The following CADM2 variants were observed in gnomAD, a reference collection of about 807,000 sequenced individuals.
CADM2 encodes cell adhesion molecule 2.
A neutral mutation model predicts 49.8 loss-of-function variants in CADM2; 12 were observed. That is an observed-to-expected ratio of 0.24 (90% CI 0.15 to 0.39). The LOEUF (loss-of-function observed/expected upper bound fraction) is 0.39, where lower values mean the gene tolerates loss of function less well. Ranked by LOEUF, CADM2 falls within the 10% of genes least tolerant of loss-of-function variation. The pLI is 1.00. For missense variants in CADM2, 378 were observed against 492.3 expected, an observed-to-expected ratio of 0.77 and a Z score of 2.20; for synonymous variants, 214 against 175.4, an observed-to-expected ratio of 1.22 and a Z score of -1.74.
At chr3:85,442,938 G>C in intron 1 of CADM2, among the ~76,000 whole-genome samples, 1 of 151,614 alleles carries the variant, frequency 6.6e-6, no homozygotes, top group Non-Finnish European at 1.5e-5. Flanking sequence ...TTAATTTCCT[G>C]ATATATTTAA....
intron 1 of CADM2, among the ~76,000 whole-genome samples, chr3:85,673,306 A>C (rs72913183): frequency 4.6e-5 from 7 of 152,100 alleles, no homozygotes; most frequent in Non-Finnish European, 1.0e-4. Flanking sequence ...TCAGCTTGCA[A>C]ATTCTGTCTG....
intron 1 of CADM2, among the ~76,000 whole-genome samples, chr3:85,051,673 G>A (rs1226184186): frequency 3.9e-5 from 6 of 152,094 alleles, no homozygotes; most frequent in Admixed American, 3.9e-4. Context: ...AGCAAAAGGG[G>A]TAGACACGCC....
chr3:85,935,835 T>G lies in CADM2; in HGVS notation c.769T>G (p.Cys257Gly). ...AGAAGGACAGCCTTTAATTTTGACT[T>G]GTGAATCCAAAGGAAAACCACTGTA... ...PQEGQPLILTCESKGKPLPEP... is the reference protein window; with the variant it reads ...PQEGQPLILTGESKGKPLPEP... The change falls in exon 7 of 10, where the codon TGT becomes GGT. Residue 257 changes from cysteine (C) to glycine (G), a missense_variant. Physicochemically the swap from Cys to Gly is radical, Grantham distance 159 (BLOSUM62 -3). Transcript: ENST00000383699. The G allele has an allele frequency of 6.2e-7, 1 of 1,604,014 alleles. No homozygotes were observed.
intron 1 of CADM2, among the ~76,000 whole-genome samples, chr3:85,613,448 G>C (rs972955095): frequency 1.8e-4 from 27 of 151,502 alleles, no homozygotes; most frequent in African/African-American, 6.5e-4. Flanking sequence ...CAAAAACATA[G>C]CACTTTTCAA....
chr3:85,905,179 T>C (rs1307032371), intron 5 of CADM2, among the ~76,000 whole-genome samples: 4 of 152,164 alleles, frequency 2.6e-5, no homozygotes, highest in Admixed American at 2.0e-4. Flanking sequence ...TAAATGGGAC[T>C]CTAATCTAGT....
At chr3:85,298,294 A>C (rs986050483) in intron 1 of CADM2, among the ~76,000 whole-genome samples, 6 of 152,082 alleles carry the variant, frequency 3.9e-5, no homozygotes, top group Non-Finnish European at 8.8e-5. Context: ...GGAGCAAAGG[A>C]TGGAACCAGA....
intron 3 of CADM2, among the ~76,000 whole-genome samples, chr3:85,833,312 T>A (rs1252998015): frequency 2.0e-5 from 3 of 151,628 alleles, no homozygotes; most frequent in African/African-American, 7.3e-5. Flanking sequence ...GTTGTGTCTT[T>A]GTTAGATTTT....
intron 1 of CADM2, among the ~76,000 whole-genome samples, chr3:85,088,741 T>C (rs769721956): frequency 3.9e-4 from 60 of 152,180 alleles, no homozygotes; most frequent in Non-Finnish European, 7.1e-4. Context: ...GATACACTGA[T>C]TTGACATAAA....
intron 8 of CADM2, among the ~76,000 whole-genome samples, chr3:85,984,077 G>A (rs534182350): frequency 6.7e-6 from 1 of 148,694 alleles, no homozygotes; most frequent in East Asian, 2.0e-4. Context: ...ACAATGCTCT[G>A]TATTATGTTA....
chr3:85,521,896 A>G (rs929105656), intron 1 of CADM2, among the ~76,000 whole-genome samples: 1 of 152,098 alleles, frequency 6.6e-6, no homozygotes, highest in African/African-American at 2.4e-5. Context: ...AACCACACTT[A>G]CTGATGGGAT....
chr3:85,491,676 G>A (rs2039678778), intron 1 of CADM2, among the ~76,000 whole-genome samples: 1 of 152,170 alleles, frequency 6.6e-6, no homozygotes, highest in South Asian at 2.1e-4. Context: ...TCTGGGCCGG[G>A]CACGGTGGCT....
chr3:85,233,876 A>G (rs1056455782), intron 1 of CADM2, among the ~76,000 whole-genome samples: 13 of 152,088 alleles, frequency 8.5e-5, no homozygotes, highest in Non-Finnish European at 8.8e-5. Flanking sequence ...TTCATAGTAA[A>G]AATCTTTATC....
intron 1 of CADM2, among the ~76,000 whole-genome samples, chr3:85,103,727 T>C (rs2038102066): frequency 6.6e-6 from 1 of 152,132 alleles, no homozygotes; most frequent in South Asian, 2.1e-4. Flanking sequence ...AGGCATCCCA[T>C]CTGAATGTAA....
At chr3:85,689,814 A>C (rs916843006) in intron 1 of CADM2, among the ~76,000 whole-genome samples, 1 of 152,222 alleles carries the variant, frequency 6.6e-6, no homozygotes, top group African/African-American at 2.4e-5. Flanking sequence ...TGTGGAGAAT[A>C]TGAAGATAAA....
chr3:84,964,323 C>A (rs1455880935), intron 1 of CADM2, among the ~76,000 whole-genome samples: 4 of 152,092 alleles, frequency 2.6e-5, no homozygotes, highest in Non-Finnish European at 4.4e-5. Flanking sequence ...GGAATCAACA[C>A]CAAATGACAT....
At chr3:85,784,806 G>A (rs1473172186) in intron 2 of CADM2, among the ~76,000 whole-genome samples, 1 of 152,116 alleles carries the variant, frequency 6.6e-6, no homozygotes, top group Non-Finnish European at 1.5e-5. Context: ...CTCATAGGAT[G>A]AGTTTGGAAG....
At chr3:85,464,443 G>T (rs1016887325) in intron 1 of CADM2, among the ~76,000 whole-genome samples, 1 of 152,022 alleles carries the variant, frequency 6.6e-6, no homozygotes, top group African/African-American at 2.4e-5. Flanking sequence ...ATCCTTCAAC[G>T]TTTAAACTTC....
chr3:85,658,576 GTATATATATATATATATATATATATATA>G (rs397990421), intron 1 of CADM2, among the ~76,000 whole-genome samples: 4 of 68,730 alleles, frequency 5.8e-5, no homozygotes, highest in African/African-American at 5.6e-5. Context: ...GGATATATGT[GTATATATATATATATATATATATATATA>G]TATATATATA....
Position 85,979,500 on chromosome 3 carries a change from C to T in CADM2, c.970+17853C>T, listed in dbSNP as rs550481575. ...TGTTACTTAAGACTATTATCAAAAT[C>T]TTGCAGAATATAGATTTAAAATATA... On this transcript the variant is annotated intron_variant, in intron 8 of 9. Coordinates refer to ENST00000383699, the MANE Select transcript of CADM2 (RefSeq NM_001167675.2). Among the ~76,000 whole-genome samples the T allele has an allele frequency of 4.8e-4, 73 of 151,566 alleles. No individual in the cohort carries two copies. The Middle Eastern group carries it at 0.01, about 21-fold the overall frequency.
Sources: gnomAD v4.1 joint callset for allele counts (sites outside exome capture counted in the v4.1 genomes callset) on GRCh38, gnomAD v4.1.1 for gene constraint, MANE v1.5 for transcripts, NCBI Gene and HGNC (gene_info 2026-07-23, HGNC 2026-07-21) for gene names.